The following OXCT1 variants were observed in gnomAD, a reference collection of about 807,000 sequenced individuals.
OXCT1 encodes the protein 3-oxoacid CoA-transferase 1.
OXCT1 carries 27 observed loss-of-function variants against 69.6 expected under a neutral mutation model. That is an observed-to-expected ratio of 0.39 (90% CI 0.29 to 0.54). OXCT1 has a LOEUF of 0.54. Among genes scored for constraint, OXCT1 ranks in the 20% least tolerant of loss-of-function variants. The pLI, the probability that OXCT1 is intolerant of heterozygous loss-of-function variation, is 0.72. For synonymous variants in OXCT1, 202 were observed against 217.8 expected (o/e 0.93, Z 0.64); for missense variants, 437 against 650.2 (o/e 0.67, Z 3.57).
At chr5:41,764,020 A>T (rs1336562605) in intron 13 of OXCT1, among the ~76,000 whole-genome samples, 1 of 152,192 alleles carries the variant, frequency 6.6e-6, no homozygotes, top group Non-Finnish European at 1.5e-5. Context: ...GAAACATGGT[A>T]GACCAAGCAT....
At chr5:41,856,886 T>G (rs1011360279) in intron 3 of OXCT1, among the ~76,000 whole-genome samples, 1 of 152,176 alleles carries the variant, frequency 6.6e-6, no homozygotes, top group Non-Finnish European at 1.5e-5. Context: ...TGTCTTCCCA[T>G]TACTCTCAAT....
intron 7 of OXCT1, among the ~76,000 whole-genome samples, chr5:41,838,190 T>C (rs924201848): frequency 1.3e-5 from 2 of 152,106 alleles, no homozygotes; most frequent in African/African-American, 4.8e-5. Flanking sequence ...GCATAGGGTA[T>C]AGCACAGAAC....
At chr5:41,761,712 G>T (rs889813678) in intron 14 of OXCT1, among the ~76,000 whole-genome samples, 1 of 152,130 alleles carries the variant, frequency 6.6e-6, no homozygotes, top group South Asian at 2.1e-4. Context: ...TTGTTAAGAT[G>T]TATGTTCTGT....
At chr5:41,748,077 A>G (rs1372251028) in intron 15 of OXCT1, among the ~76,000 whole-genome samples, 2 of 152,124 alleles carry the variant, frequency 1.3e-5, no homozygotes, top group Non-Finnish European at 2.9e-5. Flanking sequence ...AAATGATAGT[A>G]AAGTTAAATA....
intron 14 of OXCT1, among the ~76,000 whole-genome samples, chr5:41,759,083 G>T (rs114240316): frequency 0.012 from 1,797 of 145,462 alleles, 14 homozygotes; most frequent in Non-Finnish European, 0.019. Flanking sequence ...CTTTGTCCAG[G>T]GAAAATGAAA....
At chr5:41,865,576 A>G (rs1442555706) in intron 1 of OXCT1, among the ~76,000 whole-genome samples, 1 of 152,206 alleles carries the variant, frequency 6.6e-6, no homozygotes, top group East Asian at 1.9e-4. Flanking sequence ...AACAGATTGT[A>G]TCCTAAGAAA....
At chr5:41,742,145 A>G (rs984256413) in intron 15 of OXCT1, among the ~76,000 whole-genome samples, 5 of 152,182 alleles carry the variant, frequency 3.3e-5, no homozygotes, top group Non-Finnish European at 7.3e-5. Context: ...TCTATGGCAA[A>G]TTGACATTGC....
At chr5:41,850,286 A>C (rs1749118500) in intron 4 of OXCT1, 107 bp from the exon 5 acceptor site, 1 of 1,262,172 alleles carries the variant, frequency 7.9e-7, no homozygotes, top group Admixed American at 1.9e-5. Context: ...TAATTCTAAA[A>C]AGTAGCTAGC....
rs1742625064 is a variant in OXCT1 at position 41,731,540 on chromosome 5, C to T, written c.*189G>A. 8 of 972,060 alleles carry T rather than the reference C, an allele frequency of 8.2e-6. No individual in the cohort carries two copies. Among genetic ancestry groups the T allele is most frequent in the Middle Eastern group, 3.4e-4 (1 of 2,962 alleles). 60.2% of individuals were successfully genotyped at this position (972,060 alleles called of 1,614,324 possible). ...ACAAATGAGATAATTATAAATGCTC[C>T]TTTTGCTTTTTATTAAAATGTCACA... On this transcript the variant is annotated 3_prime_UTR_variant, in exon 17 of 17. Coordinates refer to ENST00000196371, the MANE Select transcript of OXCT1 (RefSeq NM_000436.4).
intron 13 of OXCT1, among the ~76,000 whole-genome samples, chr5:41,775,617 C>CA (rs912878079): frequency 1.4e-4 from 21 of 152,204 alleles, no homozygotes; most frequent in South Asian, 2.1e-4. Context: ...TGACTGAACT[C>CA]AATCTCCAGA....
chr5:41,748,424 C>T (rs1298182900), intron 15 of OXCT1, among the ~76,000 whole-genome samples: 1 of 152,008 alleles, frequency 6.6e-6, no homozygotes, highest in Non-Finnish European at 1.5e-5. Context: ...AAACAAACAA[C>T]CAACAGGGTA....
chr5:41,798,130 C>T (rs1434555134), intron 11 of OXCT1, among the ~76,000 whole-genome samples: 2 of 152,058 alleles, frequency 1.3e-5, no homozygotes, highest in African/African-American at 4.8e-5. Flanking sequence ...AGAATAAAAT[C>T]TCATGAAAGA....
intron 7 of OXCT1, among the ~76,000 whole-genome samples, chr5:41,816,054 C>T (rs1256168484): frequency 6.6e-6 from 1 of 152,182 alleles, no homozygotes; most frequent in Non-Finnish European, 1.5e-5. Flanking sequence ...CAGTTAATGG[C>T]TGCTAAATCT....
intron 15 of OXCT1, among the ~76,000 whole-genome samples, chr5:41,742,471 T>C (rs1743216124): frequency 6.6e-6 from 1 of 152,198 alleles, no homozygotes; most frequent in Non-Finnish European, 1.5e-5. Context: ...AATGCATCTT[T>C]CTTTTATTTT....
chr5:41,739,453 C>T lies in OXCT1; in HGVS notation c.1458G>A (p.Leu486=), dbSNP rs372337270. 121 of 1,613,790 alleles carry T rather than the reference C, an allele frequency of 7.5e-5. No homozygotes were observed. The highest frequency in any genetic ancestry group is 9.3e-5 in the Non-Finnish European group (110 of 1,179,772). The change falls in exon 16 of 17, where the codon CTG becomes CTA. Residue 486 remains leucine (L), a synonymous_variant. Transcript: ENST00000196371. ...FDVDKKKGLT[L]IELWEGLTVD... is the part of the protein sequence containing the mutation. ...CTGTCAGGCCTTCCCAGAGCTCAAT[C>T]AGAGTCAACCCTTTCTTCTTGTCCA...
chr5:41,837,252 C>G (rs1219488917), intron 7 of OXCT1, among the ~76,000 whole-genome samples: 2 of 150,792 alleles, frequency 1.3e-5, no homozygotes, highest in Non-Finnish European at 2.9e-5. Flanking sequence ...AGCTCTAATC[C>G]AGATTCCACA....
At position 41,746,558 on chromosome 5, in the gene OXCT1, C is replaced by A. The variant is rs115984920; in HGVS notation, c.1419+2969G>T. On this transcript the variant is annotated intron_variant, in intron 15 of 16. Transcript: ENST00000196371. ...ACACAACCTTCCTTTCTTTAACGTA[C>A]CAAAAGTTCCAGACGTAGATGCTCT... Among the ~76,000 whole-genome samples the A allele has an allele frequency of 8.2e-3, 1,242 of 152,156 alleles. 18 individuals carry two copies. The highest frequency in any genetic ancestry group is 0.029 in the African/African-American group (1,194 of 41,534).
intron 3 of OXCT1, among the ~76,000 whole-genome samples, chr5:41,854,700 C>T (rs371458816): frequency 4.0e-5 from 6 of 151,350 alleles, no homozygotes; most frequent in African/African-American, 9.7e-5. Context: ...AAGTATTTTT[C>T]GTAGCAAAAC....
intron 16 of OXCT1, among the ~76,000 whole-genome samples, chr5:41,737,398 A>G (rs1742937772): frequency 6.6e-6 from 1 of 152,232 alleles, no homozygotes; most frequent in Non-Finnish European, 1.5e-5. Context: ...TGAATAAAAA[A>G]AGAACTAGAT....
Sources: gnomAD v4.1 joint callset for allele counts (sites outside exome capture counted in the v4.1 genomes callset) on GRCh38, gnomAD v4.1.1 for gene constraint, MANE v1.5 for transcripts, NCBI Gene and HGNC (gene_info 2026-07-23, HGNC 2026-07-21) for gene names.